The following FAM234A variants were observed in gnomAD, a reference collection of about 807,000 sequenced individuals.
FAM234A encodes the protein protein FAM234A.
Under a neutral mutation model 49.1 loss-of-function variants are expected in FAM234A, and 42 were observed. The ratio of observed to expected loss-of-function variants is 0.86; its 90% CI spans 0.67 to 1.11. FAM234A has a LOEUF of 1.11. Ranked by LOEUF, FAM234A falls within the 50% of genes least tolerant of loss-of-function variation. The pLI is 0.00. For synonymous variants in FAM234A, 369 were observed against 316.2 expected, an observed-to-expected ratio of 1.17 and a Z score of -1.77; for missense variants, 815 against 745.2, an observed-to-expected ratio of 1.09 and a Z score of -1.09.
At chr16:251,669 G>A (rs2043713924) in intron 2 of FAM234A, among the ~76,000 whole-genome samples, 1 of 141,436 alleles carries the variant, frequency 7.1e-6, no homozygotes, top group Non-Finnish European at 1.5e-5. Context: ...AAGCCACCAT[G>A]CCTAGCCAGG....
At chr16:237,593 C>G (rs2050448320) in intron 1 of FAM234A, among the ~76,000 whole-genome samples, 1 of 152,064 alleles carries the variant, frequency 6.6e-6, no homozygotes, top group African/African-American at 2.4e-5. Flanking sequence ...GCCCTCAGTT[C>G]CTTGCATCAT....
Position 265,643 on chromosome 16 carries a change from G to A in FAM234A, c.*621G>A, listed in dbSNP as rs976568121. On this transcript the variant is annotated 3_prime_UTR_variant, in exon 13 of 13. Coordinates refer to ENST00000399932, the MANE Select transcript of FAM234A (RefSeq NM_032039.4). ...GGTTCCTTTGACCAGGTCCTGTGAG[G>A]AAGCCTGGAGCAAGGGTCTCCCCCA... 9.1e-6 allele frequency: 9 copies of A among 985,396 alleles called. No individual in the cohort carries two copies. The highest frequency in any genetic ancestry group is 1.2e-6 in the Non-Finnish European group (1 of 830,052). The allele number at this position is 985,396 out of a possible 1,614,324, so 61.0% of individuals were successfully genotyped here.
chr16:236,795 ACG>A lies in FAM234A; in HGVS notation c.-140+1941_-140+1942del. ...GTGGCGGGCGCCTGTAGTCCCAGCT[ACG>A]CGGGAGGCTGAGGCAGGAGAATGGC... On this transcript the variant is annotated intron_variant, in intron 1 of 12. Coordinates refer to ENST00000399932, the MANE Select transcript of FAM234A (RefSeq NM_032039.4). Among the ~76,000 whole-genome samples, 2 of 118,290 alleles carry A rather than the reference ACG, an allele frequency of 1.7e-5. 1 individual carries two copies. Among genetic ancestry groups the A allele is most frequent in the Non-Finnish European group, 4.0e-5 (2 of 49,688 alleles). 77.6% of individuals were successfully genotyped at this position (118,290 alleles called of 152,430 possible). A position where few individuals can be genotyped will look rare whatever the true frequency, so the allele number is the denominator to read the frequency against.
intron 2 of FAM234A, among the ~76,000 whole-genome samples, chr16:253,043 G>A (rs182100138): frequency 3.7e-4 from 56 of 152,348 alleles, no homozygotes; most frequent in Admixed American, 3.6e-3. Context: ...CAAAAATCTT[G>A]CCTGAGACAA....
intron 2 of FAM234A, among the ~76,000 whole-genome samples, chr16:250,611 C>T (rs1004822047): frequency 1.3e-5 from 2 of 152,248 alleles, no homozygotes; most frequent in African/African-American, 2.4e-5. Flanking sequence ...ATGTACATAA[C>T]GTAAAATTTG....
rs994987146 is a variant in FAM234A, at chr16:263,530, C to G, written c.1112+128C>G. ...AGGCCGTGTGCTGCTGCCCGGGCTT[C>G]TTGCCTGTCTCTGGTACTTGCCCCT... On this transcript the variant is annotated intron_variant, in intron 9 of 12. Coordinates refer to ENST00000399932, the MANE Select transcript of FAM234A (RefSeq NM_032039.4). The G allele has an allele frequency of 3.6e-6, 5 of 1,389,814 alleles. No homozygotes were observed. In the African/African-American group the frequency reaches 7.2e-5, roughly 20 times the overall value. The allele number at this position is 1,389,814 out of a possible 1,614,324, so 86.1% of individuals were successfully genotyped here.
At chr16:240,573 G>A (rs901045082) in intron 1 of FAM234A, among the ~76,000 whole-genome samples, 9 of 151,108 alleles carry the variant, frequency 6.0e-5, no homozygotes, top group Non-Finnish European at 1.2e-4. Flanking sequence ...TGCGATCTCA[G>A]CTCACTGCAA....
chr16:238,534 A>G (rs971097028), intron 1 of FAM234A, among the ~76,000 whole-genome samples: 2 of 152,038 alleles, frequency 1.3e-5, no homozygotes, highest in Non-Finnish European at 2.9e-5. Context: ...TGGGAGGCCA[A>G]GGGGGGCAGA....
At chr16:243,277 C>A (rs112088870) in intron 1 of FAM234A, among the ~76,000 whole-genome samples, 2 of 152,276 alleles carry the variant, frequency 1.3e-5, no homozygotes, top group African/African-American at 4.8e-5. Flanking sequence ...CCCTGCCCGG[C>A]CATGAAGTTA....
At chr16:250,089 A>G (rs2050947210) in intron 2 of FAM234A, among the ~76,000 whole-genome samples, 1 of 152,070 alleles carries the variant, frequency 6.6e-6, no homozygotes, top group Non-Finnish European at 1.5e-5. Flanking sequence ...ATGCCGCCAC[A>G]CCCAGCTAAT....
chr16:260,142 G>A lies in FAM234A; in HGVS notation c.559G>A (p.Ala187Thr). Residue 187 changes from alanine (A) to threonine (T), a missense_variant, in exon 5 of 13, where the codon GCA becomes ACA. By Grantham distance (58) the Ala-to-Thr change is moderately conservative. Transcript: ENST00000399932. ...ILVGRPSSFI[A>T]VNLFTGETLW... ...GGTGGGCAGACCCAGTTCTTTCATT[G>A]CAGTCAACTTGTTCACAGGTAGGCC... The A allele has an allele frequency of 6.2e-7, 1 of 1,613,730 alleles. No individual in the cohort carries two copies. Among genetic ancestry groups the A allele is most frequent in the Non-Finnish European group, 8.5e-7 (1 of 1,180,020 alleles).
chr16:265,019 G>A lies in FAM234A; in HGVS notation c.1656G>A (p.Ala552=), dbSNP rs200499463. 5.4e-5 allele frequency: 86 copies of A among 1,598,690 alleles called. 1 individual carries two copies. Among genetic ancestry groups the A allele is most frequent in the African/African-American group, 5.1e-4 (38 of 74,850 alleles). The change falls in exon 13 of 13, where the codon GCG becomes GCA. Residue 552 remains alanine, a synonymous_variant. Transcript: ENST00000399932. The part of the protein sequence containing the change: ...RFSRLRYQSE[A] ...CCCGGCTGCGGTACCAGAGTGAGGCGTAGAGGCACGCCAGCCAGAGCCTGT... is the reference window on the plus strand; with the variant it reads ...CCCGGCTGCGGTACCAGAGTGAGGCATAGAGGCACGCCAGCCAGAGCCTGT...
intron 1 of FAM234A, among the ~76,000 whole-genome samples, chr16:243,779 G>A (rs78918303): frequency 6.6e-5 from 10 of 152,210 alleles, no homozygotes; most frequent in East Asian, 5.8e-4. Flanking sequence ...TGGCCAGGCC[G>A]GTGTGAAAGC....
chr16:263,901 C>T, intron 10 of FAM234A, 115 bp from the exon 11 acceptor site: 1 of 1,416,502 alleles, frequency 7.1e-7, no homozygotes, highest in Non-Finnish European at 9.9e-7. Flanking sequence ...TTCTGCCTCC[C>T]TCAGAGCATC....
chr16:244,388 C>G (rs1032203181), intron 1 of FAM234A, among the ~76,000 whole-genome samples: 2 of 152,174 alleles, frequency 1.3e-5, no homozygotes, highest in Non-Finnish European at 2.9e-5. Flanking sequence ...CAAAACTCCA[C>G]TATTGATATT....
chr16:257,223 G>A (rs1208897904), intron 3 of FAM234A, among the ~76,000 whole-genome samples: 2 of 137,598 alleles, frequency 1.5e-5, no homozygotes, highest in Non-Finnish European at 3.1e-5. Context: ...AAAGCTTTTA[G>A]TTTCAATGAA....
rs202179166 is a variant in FAM234A, at chr16:242,981, C to CT, written c.-139-6552dup. On this transcript the variant is annotated intron_variant, in intron 1 of 12. Coordinates refer to ENST00000399932, the MANE Select transcript of FAM234A (RefSeq NM_032039.4). ...ATTTTCTTTTCTTTCTGAGCCCTCA[C>CT]TTTTTTTTTTTTTTTTGAAACAAGG... Among the ~76,000 whole-genome samples, 859 of 139,324 alleles carry CT rather than the reference C, an allele frequency of 6.2e-3. 7 individuals are homozygous for CT. The highest frequency in any genetic ancestry group is 0.033 in the East Asian group (161 of 4,828). The allele number at this position is 139,324 out of a possible 152,430, so 91.4% of individuals were successfully genotyped here.
intron 1 of FAM234A, among the ~76,000 whole-genome samples, chr16:238,688 C>T (rs1213331638): frequency 6.7e-6 from 1 of 149,622 alleles, no homozygotes; most frequent in Non-Finnish European, 1.5e-5. Flanking sequence ...ATGGCGTGAA[C>T]CCGGGAGGCG....
chr16:260,343 C>T, intron 5 of FAM234A, 183 bp downstream of exon 5: 1 of 627,680 alleles, frequency 1.6e-6, no homozygotes, highest in Non-Finnish European at 2.8e-6. Context: ...AGGCACACGC[C>T]TCGGCTGCCT....
Sources: allele counts gnomAD v4.1 joint callset (sites outside exome capture counted in the v4.1 genomes callset), GRCh38; gene constraint gnomAD v4.1.1; transcripts MANE v1.5; gene names NCBI Gene and HGNC (gene_info 2026-07-23, HGNC 2026-07-21).